Variants in LRRC7 observed in about 807,000 individuals in gnomAD.
The protein encoded by LRRC7 is leucine rich repeat containing 7.
Under a neutral mutation model 175.7 loss-of-function variants are expected in LRRC7, and 23 were observed. That is an observed-to-expected ratio of 0.13 (90% CI 0.09 to 0.19). The LOEUF (loss-of-function observed/expected upper bound fraction) is 0.19, where lower values mean the gene tolerates loss of function less well. LRRC7 is among the 10% of genes least tolerant of loss of function. The probability of loss-of-function intolerance (pLI) is 1.00; values close to 1 mark genes in which losing one functional copy is unlikely to be tolerated. For missense variants in LRRC7, 1,354 were observed against 1,904.7 expected (o/e 0.71, Z 5.38); for synonymous variants, 685 against 680.9 (o/e 1.01, Z -0.09).
At chr1:69,874,514 A>G (rs1477374335) in intron 7 of LRRC7, 1 of 152,164 alleles carries the variant, frequency 6.6e-6, no homozygotes, top group African/African-American at 2.4e-5. Flanking sequence ...CTATTGCTTG[A>G]TTAAATACAA....
chr1:69,969,585 CCTAAATATATACGCACCTAACA>C (rs1295890371), intron 8 of LRRC7, among the ~76,000 whole-genome samples: 4 of 152,066 alleles, frequency 2.6e-5, no homozygotes, highest in African/African-American at 7.2e-5. Context: ...ATATCACAAT[CCTAAATATATACGCACCTAACA>C]CTGGAGCTCC....
chr1:69,731,307 A>G (rs1667556520), intron 2 of LRRC7, among the ~76,000 whole-genome samples: 1 of 152,006 alleles, frequency 6.6e-6, no homozygotes. Flanking sequence ...CAAAAAAACC[A>G]TGAGACCTCA....
At chr1:69,725,038 T>G (rs1666789748) in intron 2 of LRRC7, among the ~76,000 whole-genome samples, 1 of 152,122 alleles carries the variant, frequency 6.6e-6, no homozygotes, top group Non-Finnish European at 1.5e-5. Context: ...GCTTAACTAC[T>G]AATACCCGCT....
chr1:69,997,430 A>G (rs1410919623), intron 11 of LRRC7, among the ~76,000 whole-genome samples: 3 of 149,760 alleles, frequency 2.0e-5, no homozygotes, highest in African/African-American at 7.3e-5. Flanking sequence ...AGAACTTCCA[A>G]CACTATGTTG....
intron 24 of LRRC7, among the ~76,000 whole-genome samples, chr1:70,078,294 C>T (rs1226869958): frequency 2.0e-5 from 3 of 152,212 alleles, no homozygotes; most frequent in Non-Finnish European, 4.4e-5. Context: ...TGTTACCTGT[C>T]ATCCCGTTAT....
intron 8 of LRRC7, among the ~76,000 whole-genome samples, chr1:69,970,139 G>A (rs553147904): frequency 6.6e-6 from 1 of 152,182 alleles, no homozygotes; most frequent in Non-Finnish European, 1.5e-5. Flanking sequence ...GCGGTGCTAA[G>A]AGGAAAGTTC....
At chr1:69,754,354 G>T (rs144506731) in intron 2 of LRRC7, among the ~76,000 whole-genome samples, 217 of 152,162 alleles carry the variant, frequency 1.4e-3, no homozygotes, top group African/African-American at 4.6e-3. Flanking sequence ...AGAAAAACAG[G>T]CTTGTTCAGG....
intron 23 of LRRC7, among the ~76,000 whole-genome samples, chr1:70,061,225 G>T (rs972946339): frequency 1.3e-5 from 2 of 151,948 alleles, no homozygotes; most frequent in African/African-American, 4.8e-5. Context: ...GGTAGACTAG[G>T]CAGTCCCTAA....
chr1:69,791,871 A>G (rs1363389007), intron 3 of LRRC7, among the ~76,000 whole-genome samples, 172 bp from the exon 4 acceptor site: 1 of 152,010 alleles, frequency 6.6e-6, no homozygotes, highest in Non-Finnish European at 1.5e-5. Flanking sequence ...TGGGAATAGA[A>G]TGTGAAGCCA....
chr1:70,017,390 T>A (rs1042372723), intron 14 of LRRC7, among the ~76,000 whole-genome samples: 1 of 152,222 alleles, frequency 6.6e-6, no homozygotes, highest in Non-Finnish European at 1.5e-5. Context: ...TAATATTGCA[T>A]TAGTAAATAA....
rs188791844 is a variant in LRRC7 at position 70,085,112 on chromosome 1, G to C, written c.4453-4615G>C. ...GTGGGTTTTCTTTTCACTTTTTGAT[G>C]GTCTTCTTTGAAGCACAAAAGTTTT... On this transcript the variant is annotated intron_variant, in intron 24 of 26. Coordinates refer to ENST00000651989, the MANE Select transcript of LRRC7 (RefSeq NM_001370785.2). Among the ~76,000 whole-genome samples, 72 of 151,724 alleles carry C rather than the reference G, an allele frequency of 4.7e-4. 1 individual carries two copies. Among genetic ancestry groups the C allele is most frequent in the Admixed American group, 2.6e-3 (39 of 15,230 alleles).
At chr1:69,949,311 C>T (rs1383291779) in intron 8 of LRRC7, among the ~76,000 whole-genome samples, 1 of 152,122 alleles carries the variant, frequency 6.6e-6, no homozygotes, top group Non-Finnish European at 1.5e-5. Context: ...GTGGCTCACA[C>T]GGGTAATCCC....
At chr1:69,953,707 G>A (rs1650189873) in intron 8 of LRRC7, among the ~76,000 whole-genome samples, 1 of 152,022 alleles carries the variant, frequency 6.6e-6, no homozygotes, top group African/African-American at 2.4e-5. Context: ...TAGGATGGGA[G>A]CTTCTTGAGG....
At chr1:70,116,406 G>A (rs1256914005) in intron 26 of LRRC7, among the ~76,000 whole-genome samples, 4 of 152,220 alleles carry the variant, frequency 2.6e-5, no homozygotes, top group African/African-American at 9.6e-5. Flanking sequence ...AATTAGCCAG[G>A]CGTGGTGGCA....
chr1:70,094,368 T>A (rs1664240531), intron 25 of LRRC7, among the ~76,000 whole-genome samples: 1 of 151,838 alleles, frequency 6.6e-6, no homozygotes, highest in African/African-American at 2.4e-5. Flanking sequence ...GCCATAGAAA[T>A]GATAGAAAAA....
chr1:70,117,397 C>T (rs1174914422), intron 26 of LRRC7, among the ~76,000 whole-genome samples: 1 of 152,050 alleles, frequency 6.6e-6, no homozygotes, highest in Non-Finnish European at 1.5e-5. Context: ...CAGGAGAGAA[C>T]AAGAGAGGAA....
At chr1:69,652,029 T>G (rs1047402756) in intron 1 of LRRC7, among the ~76,000 whole-genome samples, 1 of 152,076 alleles carries the variant, frequency 6.6e-6, no homozygotes, top group Non-Finnish European at 1.5e-5. Flanking sequence ...TATCCTGCAT[T>G]TCAGCTCCTG....
intron 1 of LRRC7, among the ~76,000 whole-genome samples, chr1:69,614,418 A>T (rs1649296857): frequency 6.6e-6 from 1 of 152,098 alleles, no homozygotes; most frequent in Admixed American, 6.6e-5. Flanking sequence ...CCCCTGGAGT[A>T]CATGATAACT....
chr1:69,664,381 C>G (rs1430059760), intron 1 of LRRC7, among the ~76,000 whole-genome samples: 1 of 152,134 alleles, frequency 6.6e-6, no homozygotes, highest in Non-Finnish European at 1.5e-5. Flanking sequence ...CAGGAACTTC[C>G]AAACTGTTCT....
Sources: gnomAD v4.1 joint callset for allele counts (sites outside exome capture counted in the v4.1 genomes callset) on GRCh38, gnomAD v4.1.1 for gene constraint, MANE v1.5 for transcripts, NCBI Gene and HGNC (gene_info 2026-07-23, HGNC 2026-07-21) for gene names.